The following TTC34 variants were observed in gnomAD, a reference collection of about 807,000 sequenced individuals.
TTC34 encodes the protein tetratricopeptide repeat domain 34.
Under a neutral mutation model 40.7 loss-of-function variants are expected in TTC34, and 44 were observed. The ratio of observed to expected loss-of-function variants is 1.08; its 90% CI spans 0.85 to 1.39. The LOEUF is 1.39. Ranked by LOEUF, TTC34 falls within the 40% of genes most tolerant of loss-of-function variation. The pLI is 0.00. For missense variants in TTC34, 884 were observed against 838.0 expected (o/e 1.05, Z -0.68); for synonymous variants, 422 against 398.6 (o/e 1.06, Z -0.70).
At chr1:2,784,912 C>T (rs1643555105) in intron 5 of TTC34, among the ~76,000 whole-genome samples, 1 of 152,142 alleles carries the variant, frequency 6.6e-6, no homozygotes, top group Admixed American at 6.5e-5. Context: ...CATTACTGTG[C>T]CCCTTCTGGG....
intron 1 of TTC34, among the ~76,000 whole-genome samples, chr1:2,801,211 A>G (rs377159063): frequency 1.1e-4 from 17 of 152,118 alleles, no homozygotes; most frequent in African/African-American, 3.9e-4. Flanking sequence ...GCCCAGCAAT[A>G]GGAACCCCGG....
chr1:2,768,970 C>T (rs1195503326), intron 6 of TTC34, among the ~76,000 whole-genome samples: 2 of 27,322 alleles, frequency 7.3e-5, no homozygotes, highest in Non-Finnish European at 1.5e-4. Context: ...TAGCCTGGAA[C>T]AGAACCCCAG....
chr1:2,683,106 C>CT (rs1289383608), intron 6 of TTC34, among the ~76,000 whole-genome samples: 2 of 144,058 alleles, frequency 1.4e-5, no homozygotes, highest in Admixed American at 6.8e-5. Context: ...GAGCAGCATC[C>CT]ACACCCCCAG....
At chr1:2,653,974 A>T (rs1401377914) in intron 6 of TTC34, among the ~76,000 whole-genome samples, 1 of 151,960 alleles carries the variant, frequency 6.6e-6, no homozygotes, top group Admixed American at 6.5e-5. Flanking sequence ...CCACAACCAC[A>T]GGTGAGCATC....
At chr1:2,698,848 C>T (rs985628487) in intron 6 of TTC34, among the ~76,000 whole-genome samples, 11 of 143,186 alleles carry the variant, frequency 7.7e-5, no homozygotes, top group African/African-American at 1.9e-4. Flanking sequence ...AGTACCCACA[C>T]TCCCAGGCGA....
chr1:2,657,481 G>T (rs1474895459), intron 6 of TTC34, among the ~76,000 whole-genome samples: 1 of 92,282 alleles, frequency 1.1e-5, no homozygotes, highest in Non-Finnish European at 2.8e-5. Context: ...GCATCTGACC[G>T]AACGGAGCAG....
intron 6 of TTC34, among the ~76,000 whole-genome samples, chr1:2,781,976 T>G (rs1225377623): frequency 1.3e-5 from 2 of 152,226 alleles, no homozygotes; most frequent in African/African-American, 4.8e-5. Flanking sequence ...GTAGTTTTCT[T>G]GTAGTGTCTT....
chr1:2,645,148 T>G lies in TTC34; in HGVS notation c.2497+145A>C. Reference sequence around the variant, plus strand: ...CTCACACAGGGAGCAGGGCCAGAGGTCATGGGATTTGGGGTGGAAGGGACC... The same window carrying G: ...CTCACACAGGGAGCAGGGCCAGAGGGCATGGGATTTGGGGTGGAAGGGACC... On this transcript the variant is annotated intron_variant, in intron 7 of 8. Transcript: ENST00000401095. The surrounding 1 kb of genome is among the most constrained non-coding windows in gnomAD (Gnocchi z 4.7). The G allele has an allele frequency of 1.0e-6, 1 of 1,002,166 alleles. No homozygotes were observed. The highest frequency in any genetic ancestry group is 1.3e-6 in the Non-Finnish European group (1 of 744,466). 62.1% of individuals were successfully genotyped at this position (1,002,166 alleles called of 1,614,324 possible).
intron 2 of TTC34, among the ~76,000 whole-genome samples, chr1:2,793,879 C>A (rs1384108292): frequency 6.6e-6 from 1 of 152,100 alleles, no homozygotes; most frequent in Non-Finnish European, 1.5e-5. Flanking sequence ...CTTCCTTCTC[C>A]ATCTTCTGCT....
At position 2,686,639 on chromosome 1, in the gene TTC34, C is replaced by T. The variant is rs1157828775; in HGVS notation, c.2227-41076G>A. ...ATCTGACAGCATGTAACAGCACCCA[C>T]ACACCCAGGTGAGCATCTGACAGCC... On this transcript the variant is annotated intron_variant, in intron 6 of 8. Transcript: ENST00000401095. 3.8e-4 allele frequency among the ~76,000 whole-genome samples: 57 copies of T among 150,322 alleles called. 2 individuals are homozygous for T. The highest frequency in any genetic ancestry group is 1.4e-3 in the African/African-American group (56 of 40,438).
intron 2 of TTC34, among the ~76,000 whole-genome samples, chr1:2,793,341 T>G (rs1643682406): frequency 6.6e-6 from 1 of 152,250 alleles, no homozygotes; most frequent in African/African-American, 2.4e-5. Flanking sequence ...ATTGAATTTT[T>G]TTTCTTATTG....
chr1:2,694,389 C>G (rs1331402933), intron 6 of TTC34, among the ~76,000 whole-genome samples: 1 of 125,466 alleles, frequency 8.0e-6, no homozygotes, highest in Non-Finnish European at 1.7e-5. Context: ...AGCACCCACA[C>G]TGCCAGGCGA....
chr1:2,787,966 G>T (rs890890369), intron 3 of TTC34, among the ~76,000 whole-genome samples: 1 of 152,256 alleles, frequency 6.6e-6, no homozygotes, highest in Non-Finnish European at 1.5e-5. Context: ...GGCTGACCCT[G>T]TGTGGACCCT....
chr1:2,683,944 G>C (rs372573478), intron 6 of TTC34, among the ~76,000 whole-genome samples: 2 of 135,858 alleles, frequency 1.5e-5, no homozygotes, highest in Non-Finnish European at 3.1e-5. Context: ...GTCTGGAGCA[G>C]TACCCACACC....
intron 5 of TTC34, 30 bp from the exon 6 acceptor site, chr1:2,783,805 A>G (rs1487683384): frequency 7.7e-6 from 11 of 1,436,716 alleles, no homozygotes; most frequent in Admixed American, 2.6e-5. Flanking sequence ...GGTCAGGATG[A>G]GCCTATGCTG....
At chr1:2,643,131 C>A (rs2100986361) in intron 8 of TTC34, among the ~76,000 whole-genome samples, 1 of 152,298 alleles carries the variant, frequency 6.6e-6, no homozygotes, top group East Asian at 1.9e-4. Flanking sequence ...AGCCCCCAGG[C>A]CGCCCCAGTG....
At chr1:2,792,862 G>A (rs1352736699) in intron 2 of TTC34, among the ~76,000 whole-genome samples, 1 of 152,198 alleles carries the variant, frequency 6.6e-6, no homozygotes, top group Non-Finnish European at 1.5e-5. Flanking sequence ...ATAGATTGAG[G>A]AGCCCCCTCA....
intron 6 of TTC34, among the ~76,000 whole-genome samples, chr1:2,769,808 G>C (rs1254139620): frequency 8.1e-6 from 1 of 123,900 alleles, no homozygotes; most frequent in Non-Finnish European, 1.6e-5. Context: ...GTGGGCATCT[G>C]ACAGCCTGGA....
rs1284551793 is a variant in TTC34, at chr1:2,796,503, GC to G, written c.784+3540del. On this transcript the variant is annotated intron_variant, in intron 2 of 8. Coordinates refer to ENST00000401095, the Ensembl canonical transcript of TTC34. This position sits in a 1 kb window ranked among gnomAD's most constrained non-coding sequence, Gnocchi z 4.5. ...CCAGAGCCACGGCAGACACAGACGAGCTTCCGGTGGCCTTCCTGGAGGAGCT... is the reference window on the plus strand; with the variant it reads ...CCAGAGCCACGGCAGACACAGACGAGTTCCGGTGGCCTTCCTGGAGGAGCT... Among the ~76,000 whole-genome samples, 1 of 152,162 alleles carries G rather than the reference GC, an allele frequency of 6.6e-6. No homozygotes were observed. The highest frequency in any genetic ancestry group is 1.5e-5 in the Non-Finnish European group (1 of 68,040).
Sources: gnomAD v4.1 joint callset for allele counts (sites outside exome capture counted in the v4.1 genomes callset) on GRCh38, gnomAD v4.1.1 for gene constraint, Gnocchi (gnomAD v3.1) non-coding constraint, MANE v1.5 for transcripts, NCBI Gene and HGNC (gene_info 2026-07-23, HGNC 2026-07-21) for gene names.